The following KCNIP4 variants were observed in gnomAD, a reference collection of about 807,000 sequenced individuals.
KCNIP4 encodes the protein potassium voltage-gated channel interacting protein 4.
A neutral mutation model predicts 34.0 loss-of-function variants in KCNIP4; 12 were observed. The observed-to-expected ratio is 0.35, with a 90% CI of 0.23 to 0.57. KCNIP4 has a LOEUF of 0.57. Ranked by LOEUF, KCNIP4 falls within the 20% of genes least tolerant of loss-of-function variation. KCNIP4 has a pLI of 0.83. For synonymous variants in KCNIP4, 124 were observed against 102.2 expected, an observed-to-expected ratio of 1.21 and a Z score of -1.29; for missense variants, 238 against 311.7, an observed-to-expected ratio of 0.76 and a Z score of 1.78.
At chr4:21,397,718 G>A (rs1468903284) in intron 1 of KCNIP4, among the ~76,000 whole-genome samples, 1 of 152,104 alleles carries the variant, frequency 6.6e-6, no homozygotes, top group African/African-American at 2.4e-5. Flanking sequence ...CTATCAAAAA[G>A]CTAAATATGG....
chr4:20,975,314 T>C (rs1023247145), intron 1 of KCNIP4, among the ~76,000 whole-genome samples: 3 of 152,216 alleles, frequency 2.0e-5, no homozygotes, highest in Admixed American at 6.6e-5. Context: ...AGTAATGTAA[T>C]TTTAAAAATT....
intron 1 of KCNIP4, among the ~76,000 whole-genome samples, chr4:21,119,430 T>A (rs986084417): frequency 6.9e-6 from 1 of 144,414 alleles, no homozygotes; most frequent in Non-Finnish European, 1.5e-5. Flanking sequence ...AGTACACTGA[T>A]GTCTGTGGGT....
At chr4:21,702,347 C>T (rs1490512454) in intron 1 of KCNIP4, among the ~76,000 whole-genome samples, 7 of 152,112 alleles carry the variant, frequency 4.6e-5, no homozygotes, top group Non-Finnish European at 1.0e-4. Flanking sequence ...CTTATCAAAA[C>T]CCAATGACCT....
chr4:21,893,145 C>T (rs1045257443), intron 1 of KCNIP4, among the ~76,000 whole-genome samples: 3 of 152,010 alleles, frequency 2.0e-5, no homozygotes, highest in African/African-American at 7.2e-5. Flanking sequence ...CATATTAAAC[C>T]AGGCACCCAG....
chr4:21,795,081 AC>A (rs1720535705), intron 1 of KCNIP4, among the ~76,000 whole-genome samples: 1 of 152,096 alleles, frequency 6.6e-6, no homozygotes, highest in South Asian at 2.1e-4. Flanking sequence ...CTGAGATTGT[AC>A]CTCAAAATGA....
At chr4:21,077,874 T>A (rs1745637916) in intron 1 of KCNIP4, among the ~76,000 whole-genome samples, 1 of 151,998 alleles carries the variant, frequency 6.6e-6, no homozygotes, top group African/African-American at 2.4e-5. Flanking sequence ...ATTGGTGAAG[T>A]TTTAGAACTG....
chr4:21,247,578 CAT>C (rs368574338), intron 1 of KCNIP4, among the ~76,000 whole-genome samples: 46 of 133,948 alleles, frequency 3.4e-4, no homozygotes, highest in South Asian at 9.9e-4. Flanking sequence ...GATATAAATA[CAT>C]ATATATATAT....
intron 3 of KCNIP4, among the ~76,000 whole-genome samples, chr4:20,809,684 A>G (rs1715486818): frequency 1.3e-5 from 2 of 152,132 alleles, no homozygotes; most frequent in South Asian, 2.1e-4. Context: ...CTGTTTTCCT[A>G]TTATAGGGGT....
At chr4:21,043,496 A>AT (rs373193720) in intron 1 of KCNIP4, among the ~76,000 whole-genome samples, 25,156 of 143,236 alleles carry the variant, frequency 0.18, 2,518 homozygotes, top group South Asian at 0.24. Flanking sequence ...TGCCCAGCTA[A>AT]TTTTTTTTTT....
chr4:20,918,602 C>T lies in KCNIP4; in HGVS notation c.62-35893G>A, dbSNP rs112265317. ...GAAATTCCTACTGGATTCCAGATGC[C>T]GTACTAGGAACTGGAATTCGGCAGT... On this transcript the variant is annotated intron_variant, in intron 1 of 8. Transcript: ENST00000382152. Among the ~76,000 whole-genome samples the T allele has an allele frequency of 4.7e-3, 712 of 152,204 alleles. 7 individuals carry two copies. The highest frequency in any genetic ancestry group is 0.014 in the African/African-American group (598 of 41,500).
intron 1 of KCNIP4, among the ~76,000 whole-genome samples, chr4:21,905,287 C>A (rs1427774230): frequency 1.3e-5 from 2 of 152,136 alleles, no homozygotes; most frequent in Non-Finnish European, 2.9e-5. Context: ...AAGGTTACAT[C>A]ATGCTGCTCA....
intron 1 of KCNIP4, among the ~76,000 whole-genome samples, chr4:21,835,668 C>T (rs919500070): frequency 1.9e-4 from 29 of 151,944 alleles, no homozygotes; most frequent in Non-Finnish European, 3.4e-4. Context: ...ATTAAATTAT[C>T]GGTATTTTCA....
chr4:21,685,586 G>T (rs1262545173), intron 1 of KCNIP4, among the ~76,000 whole-genome samples: 1 of 152,160 alleles, frequency 6.6e-6, no homozygotes, highest in Non-Finnish European at 1.5e-5. Flanking sequence ...CCAATTAGCT[G>T]TTATGACCTT....
chr4:20,932,500 A>G (rs901631060), intron 1 of KCNIP4, among the ~76,000 whole-genome samples: 5 of 151,878 alleles, frequency 3.3e-5, no homozygotes, highest in African/African-American at 1.2e-4. Context: ...ATTGTAGACT[A>G]TAATAGTCTT....
At chr4:21,387,841 G>A (rs529746645) in intron 1 of KCNIP4, among the ~76,000 whole-genome samples, 66 of 152,260 alleles carry the variant, frequency 4.3e-4, no homozygotes, top group African/African-American at 1.4e-3. Context: ...CAAGCATTGC[G>A]AAATGTCAGC....
chr4:21,907,267 A>G (rs894218306), intron 1 of KCNIP4, among the ~76,000 whole-genome samples: 6 of 152,042 alleles, frequency 3.9e-5, no homozygotes, highest in Non-Finnish European at 7.4e-5. Flanking sequence ...CCGTTACTGA[A>G]AAGAGTGGGT....
chr4:21,220,579 A>G (rs1560185321), intron 1 of KCNIP4, among the ~76,000 whole-genome samples: 1 of 151,880 alleles, frequency 6.6e-6, no homozygotes, highest in African/African-American at 2.4e-5. Flanking sequence ...AATAATAATA[A>G]TAAAGAAGTT....
intron 1 of KCNIP4, among the ~76,000 whole-genome samples, chr4:21,085,574 C>A (rs946216957): frequency 6.6e-6 from 1 of 152,126 alleles, no homozygotes; most frequent in Non-Finnish European, 1.5e-5. Context: ...ACCCTGGTGA[C>A]ACCAAGCCAA....
At chr4:21,217,482 A>G (rs1157151049) in intron 1 of KCNIP4, among the ~76,000 whole-genome samples, 1 of 152,170 alleles carries the variant, frequency 6.6e-6, no homozygotes, top group Non-Finnish European at 1.5e-5. Context: ...TCAAACAACA[A>G]TGGTGTTACA....
Sources: gnomAD v4.1 joint callset for allele counts (sites outside exome capture counted in the v4.1 genomes callset) on GRCh38, gnomAD v4.1.1 for gene constraint, MANE v1.5 for transcripts, NCBI Gene and HGNC (gene_info 2026-07-23, HGNC 2026-07-21) for gene names.